The following ATAD2 variants were observed in gnomAD, a reference collection of about 807,000 sequenced individuals.
ATAD2 encodes the protein ATPase family AAA domain-containing protein 2.
ATAD2 carries 62 observed loss-of-function variants against 168.9 expected under a neutral mutation model. The ratio of observed to expected loss-of-function variants is 0.37; its 90% CI spans 0.30 to 0.45. The LOEUF (loss-of-function observed/expected upper bound fraction) is 0.45, where lower values mean the gene tolerates loss of function less well. Ranked by LOEUF, ATAD2 falls within the 20% of genes least tolerant of loss-of-function variation. The pLI is 1.00. For synonymous variants in ATAD2, 613 were observed against 571.6 expected (o/e 1.07, Z -1.03); for missense variants, 1,419 against 1,667.8 (o/e 0.85, Z 2.60).
At position 123,369,927 on chromosome 8, in the gene ATAD2, ATCATCATCATCATCATCG is replaced by A. The variant is rs768313214; in HGVS notation, c.807_824del (p.Asp272_Asp277del). The A allele has an allele frequency of 3.2e-6, 5 of 1,564,850 alleles. No homozygotes were observed. The highest frequency in any genetic ancestry group is 3.5e-6 in the Non-Finnish European group (4 of 1,142,096). On this transcript the variant is annotated inframe_deletion, in exon 7 of 28. Coordinates refer to ENST00000287394, the MANE Select transcript of ATAD2 (RefSeq NM_014109.4). ...CTTCATCTTCATCATCTTCATCATC[ATCATCATCATCATCATCG>A]TCATCATCATCATCATCTTCATCAT...
chr8:123,349,268 T>G lies in ATAD2; in HGVS notation c.1806+17A>C. On this transcript the variant is annotated intron_variant, in intron 14 of 27. Transcript: ENST00000287394. ...GCAATATATTTTGTCAAAATTTGAG[T>G]GACATTAAATTCTTACCTCTTTATC... The G allele has an allele frequency of 6.2e-7, 1 of 1,600,944 alleles. No individual in the cohort carries two copies. Among genetic ancestry groups the G allele is most frequent in the Non-Finnish European group, 8.5e-7 (1 of 1,175,750 alleles).
At chr8:123,386,172 T>C (rs559904573) in intron 1 of ATAD2, among the ~76,000 whole-genome samples, 3 of 152,296 alleles carry the variant, frequency 2.0e-5, no homozygotes, top group South Asian at 2.1e-4. Flanking sequence ...ATTCCACTTT[T>C]GGGTATACAC....
At chr8:123,331,020 T>C (rs1827761093) in intron 24 of ATAD2, among the ~76,000 whole-genome samples, 1 of 151,970 alleles carries the variant, frequency 6.6e-6, no homozygotes, top group Non-Finnish European at 1.5e-5. Flanking sequence ...CCCCACTGGG[T>C]TCAAGCAATT....
At chr8:123,381,673 C>T (rs541206920) in intron 1 of ATAD2, among the ~76,000 whole-genome samples, 5 of 152,150 alleles carry the variant, frequency 3.3e-5, no homozygotes, top group Non-Finnish European at 5.9e-5. Context: ...GTTCATACAC[C>T]GCTCTGAGAT....
At position 123,357,486 on chromosome 8, in the gene ATAD2, T is replaced by A. The variant is rs185405743; in HGVS notation, c.1557+76A>T. ...GTTTATTTAGAACACTGATTAAATG[T>A]AAGATTTATCTAATCCTCACACACA... On this transcript the variant is annotated intron_variant, in intron 12 of 27. Transcript: ENST00000287394. 1,750 of 1,302,418 alleles carry A rather than the reference T, an allele frequency of 1.3e-3. 1 individual carries two copies. Among genetic ancestry groups the A allele is most frequent in the Non-Finnish European group, 1.6e-3 (1,524 of 974,916 alleles). The allele number at this position is 1,302,418 out of a possible 1,614,324, so 80.7% of individuals were successfully genotyped here. A position where few individuals can be genotyped will look rare whatever the true frequency, so the allele number is the denominator to read the frequency against.
chr8:123,400,540 C>T (rs549788489), upstream of ATAD2: 136 of 431,840 alleles, frequency 3.1e-4, 1 homozygote, highest in South Asian at 2.1e-3. The surrounding 1 kb of genome is among the most constrained non-coding windows in gnomAD (Gnocchi z 4.5). Context: ...GGCAGCCGAG[C>T]GGGTGTTTAT....
At chr8:123,397,973 A>G (rs1261101295), upstream of ATAD2, among the ~76,000 whole-genome samples, 1 of 152,098 alleles carries the variant, frequency 6.6e-6, no homozygotes, top group Non-Finnish European at 1.5e-5. Context: ...AGCAGGTCCT[A>G]CGGGACTCTG....
intron 10 of ATAD2, 31 bp downstream of exon 10, chr8:123,359,546 T>C: frequency 6.5e-7 from 1 of 1,542,962 alleles, no homozygotes; most frequent in Non-Finnish European, 8.9e-7. Flanking sequence ...ACATTATAGT[T>C]CAAGCATATG....
intron 1 of ATAD2, among the ~76,000 whole-genome samples, chr8:123,388,677 C>T (rs1218600470): frequency 6.6e-6 from 1 of 152,056 alleles, no homozygotes; most frequent in Non-Finnish European, 1.5e-5. Context: ...AGCCACCATG[C>T]CCAGCCAATT....
rs147449805 is a variant in ATAD2 at position 123,322,969 on chromosome 8, C to T, written c.4100G>A (p.Arg1367His). 60 of 1,613,480 alleles carry T rather than the reference C, an allele frequency of 3.7e-5. No individual in the cohort carries two copies. Among genetic ancestry groups the T allele is most frequent in the Middle Eastern group, 3.3e-4 (2 of 6,078 alleles). The change falls in exon 27 of 28, where the codon CGC (arginine) becomes CAC (histidine). Residue 1367 changes from arginine to histidine, a missense_variant. Transcript: ENST00000287394. Reference sequence around the variant, plus strand: ...AAGTGATGTTTTATCATGGTCCTTGCGATGCCGATAAATACATTGGCTGAT... The same window carrying T: ...AAGTGATGTTTTATCATGGTCCTTGTGATGCCGATAAATACATTGGCTGAT... ...AVISQCIYRH[R>H]KDHDKTSLIQ...
chr8:123,369,957 ATCATCTTCATCATCT>A lies in ATAD2; in HGVS notation c.780_794del (p.Glu260_Asp264del), dbSNP rs770739809. On this transcript the variant is annotated inframe_deletion, in exon 7 of 28. Transcript: ENST00000287394. ...CATCATCATCATCGTCATCATCATC[ATCATCTTCATCATCT>A]TCATCTTCACCATCATCTTCATGTT... The A allele has an allele frequency of 1.3e-6, 2 of 1,563,206 alleles. No homozygotes were observed. The highest frequency in any genetic ancestry group is 1.4e-5 in the African/African-American group (1 of 73,786).
chr8:123,321,901 A>G (rs1827478306), intron 27 of ATAD2, among the ~76,000 whole-genome samples: 1 of 152,136 alleles, frequency 6.6e-6, no homozygotes, highest in South Asian at 2.1e-4. Context: ...CACTGCACAC[A>G]GAGAAAGATC....
upstream of ATAD2, chr8:123,401,307 G>A: frequency 7.7e-7 from 1 of 1,299,526 alleles, no homozygotes; most frequent in East Asian, 2.3e-5. Flanking sequence ...AGCAGCTGCT[G>A]TGTGGGGCAG....
At chr8:123,339,241 C>A in intron 20 of ATAD2, 70 bp downstream of exon 20, 1 of 1,300,650 alleles carries the variant, frequency 7.7e-7, no homozygotes, top group South Asian at 1.5e-5. Context: ...AGATACATGT[C>A]AATGCCATTA....
intron 13 of ATAD2, chr8:123,355,958 C>T (rs2131353928): frequency 6.6e-6 from 1 of 152,396 alleles, no homozygotes; most frequent in South Asian, 2.1e-4. Flanking sequence ...CGCTCTGTCA[C>T]CCAGGCTGGA....
At chr8:123,352,439 G>T in intron 13 of ATAD2, 1 of 153,150 alleles carries the variant, frequency 6.5e-6, no homozygotes. Context: ...ATTTTGGCTT[G>T]GCTGCAACAC....
rs9021 is a variant in ATAD2 at position 123,320,660 on chromosome 8, G to A, written c.*474C>T. 104,454 of 155,456 alleles carry A rather than the reference G, an allele frequency of 0.67. 35,629 individuals carry two copies. Among genetic ancestry groups the A allele is most frequent in the African/African-American group, 0.77 (31,851 of 41,504 alleles). The allele number at this position is 155,456 out of a possible 1,614,324, so 9.6% of individuals were successfully genotyped here. A position where few individuals can be genotyped will look rare whatever the true frequency, so the allele number is the denominator to read the frequency against. Reference sequence around the variant, plus strand: ...TGCACTCTGGCTTTTAAGTGAAGACGAGGGAATCTCAAGGCAGATGGGAGG... The same window carrying A: ...TGCACTCTGGCTTTTAAGTGAAGACAAGGGAATCTCAAGGCAGATGGGAGG... On this transcript the variant is annotated 3_prime_UTR_variant, in exon 28 of 28. Transcript: ENST00000287394.
intron 9 of ATAD2, among the ~76,000 whole-genome samples, chr8:123,360,035 A>G (rs1828766159): frequency 6.6e-6 from 1 of 152,204 alleles, no homozygotes. Flanking sequence ...TTTGCCAGAC[A>G]CTGTTTTAGT....
chr8:123,329,574 A>T (rs1731062871), intron 24 of ATAD2, among the ~76,000 whole-genome samples: 1 of 152,000 alleles, frequency 6.6e-6, no homozygotes, highest in African/African-American at 2.4e-5. Context: ...CATCCTGGCT[A>T]ACACGGTGAA....
Sources: allele counts gnomAD v4.1 joint callset (sites outside exome capture counted in the v4.1 genomes callset), GRCh38; gene constraint gnomAD v4.1.1; non-coding constraint Gnocchi (gnomAD v3.1); transcripts MANE v1.5; gene names NCBI Gene and HGNC (gene_info 2026-07-23, HGNC 2026-07-21).